Variants in ELK4 observed in about 807,000 individuals in gnomAD.
ELK4 encodes ETS domain-containing protein Elk-4.
Under a neutral mutation model 29.6 loss-of-function variants are expected in ELK4, and 16 were observed. The observed-to-expected ratio is 0.54, with a 90% CI of 0.37 to 0.82. The LOEUF is 0.82. ELK4 is among the 40% of genes least tolerant of loss of function. ELK4 has a pLI of 0.00. For missense variants in ELK4, 465 were observed against 507.1 expected, an observed-to-expected ratio of 0.92 and a Z score of 0.80; for synonymous variants, 213 against 191.1, an observed-to-expected ratio of 1.11 and a Z score of -0.95.
chr1:205,630,419 C>T (rs559758532), intron 1 of ELK4, among the ~76,000 whole-genome samples: 2 of 152,198 alleles, frequency 1.3e-5, no homozygotes, highest in South Asian at 4.2e-4. Flanking sequence ...GCTGTGGTGA[C>T]CCATAGCCCA....
At position 205,616,407 on chromosome 1, in the gene ELK4, A is replaced by T. The variant is rs954595470; in HGVS notation, c.*139T>A. Reference sequence around the variant, plus strand: ...CCTATTCAAAGAGAATCCTAAAAAGATGTTTTCAATGGGGAATGGCAAAAA... The same window carrying T: ...CCTATTCAAAGAGAATCCTAAAAAGTTGTTTTCAATGGGGAATGGCAAAAA... On this transcript the variant is annotated 3_prime_UTR_variant, in exon 5 of 5. Transcript: ENST00000357992. 2.8e-6 allele frequency: 2 copies of T among 715,822 alleles called. No individual in the cohort carries two copies. The highest frequency in any genetic ancestry group is 3.5e-5 in the African/African-American group (2 of 56,742). The allele number at this position is 715,822 out of a possible 1,614,324, so 44.3% of individuals were successfully genotyped here. A position where few individuals can be genotyped will look rare whatever the true frequency, so the allele number is the denominator to read the frequency against.
At position 205,620,704 on chromosome 1, in the gene ELK4, G is replaced by A; in HGVS notation, c.342C>T (p.Ser114=). 3 of 1,614,152 alleles carry A rather than the reference G, an allele frequency of 1.9e-6. No individual in the cohort carries two copies. The highest frequency in any genetic ancestry group is 1.7e-6 in the Non-Finnish European group (2 of 1,180,040). ...DCESLNFSEV[S]SSSKDVENGG... is the part of the protein sequence containing the mutation. ...CATTCTCCACATCTTTGGAACTGCTGCTGACTTCACTGAAGTTTAAACTTT... is the reference window on the plus strand; with the variant it reads ...CATTCTCCACATCTTTGGAACTGCTACTGACTTCACTGAAGTTTAAACTTT... Residue 114 remains serine, a synonymous_variant, in exon 3 of 5, where the codon AGC becomes AGT. Coordinates refer to ENST00000357992, the MANE Select transcript of ELK4 (RefSeq NM_001973.4).
Position 205,622,512 on chromosome 1 carries a change from G to A in ELK4, c.207+1164C>T, listed in dbSNP as rs139013460. 2.9e-3 allele frequency among the ~76,000 whole-genome samples: 435 copies of A among 152,222 alleles called. 1 individual carries two copies. The highest frequency in any genetic ancestry group is 0.014 in the Middle Eastern group (4 of 294). On this transcript the variant is annotated intron_variant, in intron 2 of 4. Coordinates refer to ENST00000357992, the MANE Select transcript of ELK4 (RefSeq NM_001973.4). ...GAGCTTAAGTGATCCTCCTGCCTCA[G>A]CCTCCTGGGCACTGGGACTACAGGT... is the stretch of plus-strand genomic sequence containing the variant.
rs964457158 is a variant in ELK4 at position 205,608,184 on chromosome 1, T to C, written c.*8362A>G. The C allele has an allele frequency of 1.1e-5, 2 of 190,070 alleles. No individual in the cohort carries two copies. Among genetic ancestry groups the C allele is most frequent in the African/African-American group, 4.7e-5 (2 of 42,904 alleles). The allele number at this position is 190,070 out of a possible 1,614,324, so 11.8% of individuals were successfully genotyped here. A position where few individuals can be genotyped will look rare whatever the true frequency, so the allele number is the denominator to read the frequency against. On this transcript the variant is annotated 3_prime_UTR_variant, in exon 5 of 5. Coordinates refer to ENST00000357992, the MANE Select transcript of ELK4 (RefSeq NM_001973.4). ...CACCATTATAGAATTTAACAAAATTTTTGCATAAAACCTGGGAAGTGATAG... is the reference window on the plus strand; with the variant it reads ...CACCATTATAGAATTTAACAAAATTCTTGCATAAAACCTGGGAAGTGATAG...
Position 205,631,982 on chromosome 1 carries a change from G to C in ELK4, c.-360C>G, listed in dbSNP as rs1325347226. 1 of 151,742 alleles carries C rather than the reference G, an allele frequency of 6.6e-6. No homozygotes were observed. Among genetic ancestry groups the C allele is most frequent in the Non-Finnish European group, 1.5e-5 (1 of 67,870 alleles). The allele number at this position is 151,742 out of a possible 1,614,324, so 9.4% of individuals were successfully genotyped here. Reference sequence around the variant, plus strand: ...GGCCGCCGCCACTCTCAAACCCCCCGACTGCTCCTGGGTCCCTCCCAGACG... The same window carrying C: ...GGCCGCCGCCACTCTCAAACCCCCCCACTGCTCCTGGGTCCCTCCCAGACG... On this transcript the variant is annotated 5_prime_UTR_variant, in exon 1 of 5. Coordinates refer to ENST00000357992, the MANE Select transcript of ELK4 (RefSeq NM_001973.4).
intron 3 of ELK4, 122 bp downstream of exon 3, chr1:205,619,844 C>G (rs778437914): frequency 8.1e-6 from 13 of 1,605,776 alleles, no homozygotes; most frequent in Non-Finnish European, 1.0e-5. Context: ...GACAGTCACA[C>G]ATAACCTTTC....
chr1:205,625,274 T>C (rs1271674465), intron 1 of ELK4, among the ~76,000 whole-genome samples: 2 of 134,866 alleles, frequency 1.5e-5, no homozygotes, highest in Non-Finnish European at 3.1e-5. Flanking sequence ...ATCCAAAATA[T>C]ATTAAAAAAC....
intron 1 of ELK4, among the ~76,000 whole-genome samples, chr1:205,627,860 T>C (rs907778349): frequency 5.9e-5 from 9 of 152,288 alleles, no homozygotes; most frequent in African/African-American, 2.2e-4. Flanking sequence ...AAGCTGGTTG[T>C]ACAGAGACAG....
rs150183128 is a variant in ELK4 at position 205,619,978 on chromosome 1, T to C, written c.1068A>G (p.Ala356=). ...PSLPTASLTP[A]FFSQTPIILT... ...GCGAGCAAGCTACCTGTGAAAAAAA[T>C]GCTGGTGTAAGAGAAGCTGTAGGGA... is the stretch of plus-strand genomic sequence containing the variant. The change falls in exon 3 of 5, where the codon GCA becomes GCG. Residue 356 remains alanine (A), a synonymous_variant. Transcript: ENST00000357992. 348 of 1,614,138 alleles carry C rather than the reference T, an allele frequency of 2.2e-4. No homozygotes were observed. In the African/African-American group the frequency reaches 3.4e-3, roughly 16 times the overall value.
At chr1:205,627,383 C>T (rs1670486542) in intron 1 of ELK4, among the ~76,000 whole-genome samples, 2 of 151,992 alleles carry the variant, frequency 1.3e-5, no homozygotes, top group Admixed American at 1.3e-4. Flanking sequence ...GTGGTGGGCG[C>T]CTGTAGTCCC....
At chr1:205,618,289 C>T (rs1318174375) in intron 4 of ELK4, among the ~76,000 whole-genome samples, 2 of 152,134 alleles carry the variant, frequency 1.3e-5, no homozygotes, top group East Asian at 3.9e-4. Context: ...CCTCGGCCTA[C>T]CAAAGCGCTG....
chr1:205,612,547 G>C lies in ELK4; in HGVS notation c.*3999C>G, dbSNP rs778558918. Reference sequence around the variant, plus strand: ...TTCAATAACTCTTACTGATCAATTTGTGTGTTCAAAAAGGCTGGACACTCC... The same window carrying C: ...TTCAATAACTCTTACTGATCAATTTCTGTGTTCAAAAAGGCTGGACACTCC... On this transcript the variant is annotated 3_prime_UTR_variant, in exon 5 of 5. Coordinates refer to ENST00000357992, the MANE Select transcript of ELK4 (RefSeq NM_001973.4). 2 of 213,318 alleles carry C rather than the reference G, an allele frequency of 9.4e-6. No homozygotes were observed. Among genetic ancestry groups the C allele is most frequent in the Non-Finnish European group, 1.9e-5 (2 of 105,654 alleles). 13.2% of individuals were successfully genotyped at this position (213,318 alleles called of 1,614,324 possible). A position where few individuals can be genotyped will look rare whatever the true frequency, so the allele number is the denominator to read the frequency against.
In ELK4 at chr1:205,620,134, A is replaced by G; in HGVS notation, c.912T>C (p.Asp304=). ...CTTTGTCCTTTTCTAGCAAGACTGA[A>G]TCCTGGTCTTTAGGCTCCAGTGACA... ...ENLSLEPKDQ[D]SVLLEKDKVN... The change falls in exon 3 of 5, where the codon GAT becomes GAC. Residue 304 remains aspartate (D), a synonymous_variant. Transcript: ENST00000357992. The G allele has an allele frequency of 6.2e-7, 1 of 1,614,210 alleles. No individual in the cohort carries two copies. The highest frequency in any genetic ancestry group is 8.5e-7 in the Non-Finnish European group (1 of 1,180,044).
chr1:205,620,340 G>A lies in ELK4; in HGVS notation c.706C>T (p.Leu236=). The part of the protein sequence containing the change: ...ETLVSPKLPS[L]EAPTSASNVM... ...TTAGAGGCAGAGGTTGGGGCTTCCAGGGAAGGCAGTTTTGGGGAAACCAAT... is the reference window on the plus strand; with the variant it reads ...TTAGAGGCAGAGGTTGGGGCTTCCAAGGAAGGCAGTTTTGGGGAAACCAAT... Residue 236 remains leucine (L), a synonymous_variant, in exon 3 of 5, where the codon CTG becomes TTG. Coordinates refer to ENST00000357992, the MANE Select transcript of ELK4 (RefSeq NM_001973.4). The A allele has an allele frequency of 3.7e-6, 6 of 1,614,194 alleles. No homozygotes were observed. The highest frequency in any genetic ancestry group is 5.1e-6 in the Non-Finnish European group (6 of 1,180,034).
chr1:205,620,041 G>A lies in ELK4; in HGVS notation c.1005C>T (p.Ser335=). 3 of 1,614,248 alleles carry A rather than the reference G, an allele frequency of 1.9e-6. No homozygotes were observed. Among genetic ancestry groups the A allele is most frequent in the Non-Finnish European group, 2.5e-6 (3 of 1,180,042 alleles). Residue 335 remains serine (S), a synonymous_variant, in exon 3 of 5, where the codon AGC becomes AGT. Coordinates refer to ENST00000357992, the MANE Select transcript of ELK4 (RefSeq NM_001973.4). ...LELAPTLVIT[S]SDPSPLGILS... ...GTATTCCCAGTGGGCTTGGATCACT[G>A]CTCGTGATCACAAGGGTGGGTGCCA...
chr1:205,612,753 T>A lies in ELK4; in HGVS notation c.*3793A>T, dbSNP rs1015035260. 1 of 210,330 alleles carries A rather than the reference T, an allele frequency of 4.8e-6. No individual in the cohort carries two copies. The highest frequency in any genetic ancestry group is 5.9e-5 in the Admixed American group (1 of 16,950). 13.0% of individuals were successfully genotyped at this position (210,330 alleles called of 1,614,324 possible). The stretch of plus-strand genomic sequence containing the variant: ...CACACAATGCAGGGGTGAATGGAAC[T>A]GAAGTGATACTATCAACAGCCTGGA... On this transcript the variant is annotated 3_prime_UTR_variant, in exon 5 of 5. Transcript: ENST00000357992.
chr1:205,622,097 C>T (rs1176069171), intron 2 of ELK4, among the ~76,000 whole-genome samples: 2 of 151,860 alleles, frequency 1.3e-5, no homozygotes, highest in East Asian at 2.0e-4. Context: ...GTCTGTAGTC[C>T]CAGCTACTCG....
chr1:205,619,775 C>T (rs1670297848), intron 3 of ELK4, 191 bp downstream of exon 3: 1 of 1,510,990 alleles, frequency 6.6e-7, no homozygotes. Context: ...TAAGAAAATA[C>T]TCCAAACTTT....
In ELK4 at chr1:205,620,847, T is replaced by TAAAA. The variant is rs533252798; in HGVS notation, c.208-13_208-10dup. On this transcript the variant is annotated splice_polypyrimidine_tract_variant and intron_variant, in intron 2 of 4. Transcript: ENST00000357992. ...ACTTTTTTGATGATATTCTGTAGGT[T>TAAAA]AAAAAAAAAAGCATTTTTATCCTTT... 4.4e-5 allele frequency: 61 copies of TAAAA among 1,374,356 alleles called. No homozygotes were observed. In the Middle Eastern group the frequency reaches 7.7e-4, roughly 17 times the overall value. The allele number at this position is 1,374,356 out of a possible 1,614,324, so 85.1% of individuals were successfully genotyped here.
Sources: gnomAD v4.1 joint callset for allele counts (sites outside exome capture counted in the v4.1 genomes callset) on GRCh38, gnomAD v4.1.1 for gene constraint, MANE v1.5 for transcripts, NCBI Gene and HGNC (gene_info 2026-07-23, HGNC 2026-07-21) for gene names.